Variants in REDIC1 observed in about 807,000 individuals in gnomAD.
REDIC1 encodes HEI10 Interacting Protein 1.
At chr12:39,858,010 G>C in the REDIC1 span, among the ~76,000 whole-genome samples, 3 of 152,142 alleles carry the variant, frequency 2.0e-5, no homozygotes, top group African/African-American at 7.2e-5. Context: ...CTTGCCAAGT[G>C]GGGGATTTGT....
the REDIC1 span, among the ~76,000 whole-genome samples, chr12:39,698,783 T>C: frequency 6.6e-6 from 1 of 152,106 alleles, no homozygotes; most frequent in African/African-American, 2.4e-5. Flanking sequence ...AAAAATTCCT[T>C]GAAACAAATG....
At chr12:39,764,851 T>C in the REDIC1 span, 1 of 1,611,660 alleles carries the variant, frequency 6.2e-7, no homozygotes, top group South Asian at 1.1e-5. Context: ...TTGGTTTCAT[T>C]TTCACACCTG....
the REDIC1 span, among the ~76,000 whole-genome samples, chr12:39,830,846 T>A: frequency 1.3e-5 from 2 of 152,144 alleles, no homozygotes; most frequent in African/African-American, 4.8e-5. Context: ...TATTCTGAAT[T>A]TAAAAGAAGT....
At chr12:39,895,532 A>G in the REDIC1 span, among the ~76,000 whole-genome samples, 333 of 119,768 alleles carry the variant, frequency 2.8e-3, 115 homozygotes, top group Middle Eastern at 4.3e-3. Context: ...ATATATATAT[A>G]TATATATATA....
At chr12:39,865,434 G>C in the REDIC1 span, among the ~76,000 whole-genome samples, 1 of 152,270 alleles carries the variant, frequency 6.6e-6, no homozygotes, top group East Asian at 1.9e-4. Flanking sequence ...TAAAGTACCA[G>C]AAATAATATA....
At chr12:39,675,701 A>G in the REDIC1 span, among the ~76,000 whole-genome samples, 3 of 152,232 alleles carry the variant, frequency 2.0e-5, no homozygotes, top group African/African-American at 7.2e-5. Flanking sequence ...CAGAGTCCAC[A>G]TCACTCCCCT....
At chr12:39,678,593 G>A in the REDIC1 span, among the ~76,000 whole-genome samples, 4 of 130,816 alleles carry the variant, frequency 3.1e-5, no homozygotes, top group East Asian at 2.5e-4. Flanking sequence ...TGTGAAGCCA[G>A]TATCACCCTA....
chr12:39,627,326 A>G, the REDIC1 span, among the ~76,000 whole-genome samples: 1 of 152,196 alleles, frequency 6.6e-6, no homozygotes, highest in African/African-American at 2.4e-5. Flanking sequence ...AGAAAAGTGA[A>G]AATTTACTTA....
the REDIC1 span, among the ~76,000 whole-genome samples, chr12:39,678,159 T>A: frequency 6.6e-6 from 1 of 152,074 alleles, no homozygotes; most frequent in East Asian, 1.9e-4. Flanking sequence ...AATGAAAAGC[T>A]GGTTCTTTGA....
At chr12:39,699,140 C>T in the REDIC1 span, among the ~76,000 whole-genome samples, 9 of 152,134 alleles carry the variant, frequency 5.9e-5, no homozygotes, top group African/African-American at 1.9e-4. Context: ...AGAGGCCCAG[C>T]GTGAGCGACA....
the REDIC1 span, among the ~76,000 whole-genome samples, chr12:39,818,588 T>C: frequency 4.6e-5 from 7 of 152,180 alleles, no homozygotes; most frequent in South Asian, 2.1e-4. Flanking sequence ...AAGGTCAGCA[T>C]GTATCTCTGC....
chr12:39,726,157 C>T, the REDIC1 span, among the ~76,000 whole-genome samples: 106 of 151,584 alleles, frequency 7.0e-4, no homozygotes, highest in Non-Finnish European at 1.2e-3. Flanking sequence ...TCCTCCTCTT[C>T]TTCTTCTTCT....
chr12:39,822,536 C>T, the REDIC1 span, among the ~76,000 whole-genome samples: 1 of 152,162 alleles, frequency 6.6e-6, no homozygotes, highest in Admixed American at 6.5e-5. Context: ...AAATTCCAAG[C>T]TCCCCAGACT....
the REDIC1 span, among the ~76,000 whole-genome samples, chr12:39,713,001 ATG>A: frequency 4.3e-5 from 6 of 140,290 alleles, no homozygotes; most frequent in Admixed American, 2.8e-4. Flanking sequence ...ATACGTGTAT[ATG>A]TATATATACA....
the REDIC1 span, among the ~76,000 whole-genome samples, chr12:39,795,098 A>G: frequency 1.3e-5 from 2 of 152,172 alleles, no homozygotes; most frequent in African/African-American, 4.8e-5. Flanking sequence ...ATACATTTAA[A>G]TATTGCCTCT....
chr12:39,764,005 T>TAA, the REDIC1 span, among the ~76,000 whole-genome samples: 1 of 152,254 alleles, frequency 6.6e-6, no homozygotes, highest in East Asian at 1.9e-4. Flanking sequence ...AGCATACTGT[T>TAA]AAGCATTTGA....
the REDIC1 span, among the ~76,000 whole-genome samples, chr12:39,680,528 G>C: frequency 6.6e-6 from 1 of 152,150 alleles, no homozygotes; most frequent in African/African-American, 2.4e-5. Flanking sequence ...CACTGCTGGT[G>C]GGTATGTAAA....
the REDIC1 span, among the ~76,000 whole-genome samples, chr12:39,669,502 G>A: frequency 6.6e-6 from 1 of 152,184 alleles, no homozygotes; most frequent in Non-Finnish European, 1.5e-5. Flanking sequence ...CGGGCGTCAG[G>A]GACCCACTTG....
the REDIC1 span, chr12:39,830,399 C>G: frequency 9.6e-6 from 13 of 1,347,662 alleles, no homozygotes; most frequent in East Asian, 2.8e-5. Context: ...TGAGAGCTGG[C>G]TGGTCTCTTC....
Sources: gnomAD v4.1 joint callset for allele counts (sites outside exome capture counted in the v4.1 genomes callset) on GRCh38, gnomAD v4.1.1 for gene constraint, MANE v1.5 for transcripts, NCBI Gene and HGNC (gene_info 2026-07-23, HGNC 2026-07-21) for gene names.